Variants in CECR2 observed in about 807,000 individuals in gnomAD.
The protein encoded by CECR2 is CECR2 histone acetyl-lysine reader.
In CECR2, 30 loss-of-function variants were observed where a neutral mutation model predicts 154.5. That is an observed-to-expected ratio of 0.19 (90% CI 0.15 to 0.26). CECR2 has a LOEUF of 0.26. Among genes scored for constraint, CECR2 ranks in the 10% least tolerant of loss-of-function variants. CECR2 has a pLI of 1.00. For synonymous variants in CECR2, 725 were observed against 683.7 expected, an observed-to-expected ratio of 1.06 and a Z score of -0.94; for missense variants, 1,743 against 1,829.3, an observed-to-expected ratio of 0.95 and a Z score of 0.86.
intron 2 of CECR2, among the ~76,000 whole-genome samples, chr22:17,490,124 A>T (rs1346475818): frequency 6.8e-6 from 1 of 147,722 alleles, no homozygotes; most frequent in Admixed American, 6.8e-5. Context: ...TACTGTTGAG[A>T]TCTGTTCCTT....
chr22:17,426,133 A>G (rs919666056), intron 1 of CECR2, among the ~76,000 whole-genome samples: 1 of 152,194 alleles, frequency 6.6e-6, no homozygotes, highest in African/African-American at 2.4e-5. Flanking sequence ...CCCAGACATC[A>G]TATCATTTCA....
chr22:17,528,413 G>A (rs961907443), intron 9 of CECR2, among the ~76,000 whole-genome samples: 1 of 152,220 alleles, frequency 6.6e-6, no homozygotes, highest in East Asian at 1.9e-4. Flanking sequence ...GGCTGGGAAC[G>A]ATAGTGGAGG....
At chr22:17,443,529 A>G (rs2054614097) in intron 1 of CECR2, among the ~76,000 whole-genome samples, 1 of 152,308 alleles carries the variant, frequency 6.6e-6, no homozygotes, top group South Asian at 2.1e-4. Context: ...GAGTTTACTC[A>G]TCTCTAATTC....
chr22:17,551,416 G>C (rs796540663), intron 17 of CECR2, among the ~76,000 whole-genome samples: 10 of 150,748 alleles, frequency 6.6e-5, no homozygotes, highest in African/African-American at 2.4e-4. Context: ...TTAATTTATA[G>C]CAGTTGTCAT....
chr22:17,390,021 A>G (rs1009519566), intron 1 of CECR2, among the ~76,000 whole-genome samples: 3 of 152,194 alleles, frequency 2.0e-5, no homozygotes, highest in South Asian at 2.1e-4. Context: ...AATGTTGCCA[A>G]TTGAGCCAAT....
chr22:17,428,678 A>G (rs1222907526), intron 1 of CECR2: 10 of 151,906 alleles, frequency 6.6e-5, no homozygotes, highest in Admixed American at 6.6e-4. Context: ...TGGTCTCCCT[A>G]TGTTGCCTGG....
intron 1 of CECR2, among the ~76,000 whole-genome samples, chr22:17,450,372 G>A (rs1416563082): frequency 6.6e-6 from 1 of 152,210 alleles, no homozygotes; most frequent in African/African-American, 2.4e-5. Context: ...CCGTGTTCAA[G>A]CGATTCTCCT....
rs539961838 is a variant in CECR2 at position 17,542,867 on chromosome 22, A to G, written c.2724A>G (p.Ala908=). ...PGVPYHPHQP[A]HPRLPGPFPQ... The stretch of plus-strand genomic sequence containing the variant: ...TGCCTTACCACCCCCACCAGCCTGC[A>G]CACCCCCGTTTACCTGGCCCTTTTC... Residue 908 remains alanine (A), a synonymous_variant, in exon 16 of 19, where the codon GCA becomes GCG. Coordinates refer to ENST00000262608, the MANE Select transcript of CECR2 (RefSeq NM_001290047.2). 1 of 1,613,494 alleles carries G rather than the reference A, an allele frequency of 6.2e-7. No homozygotes were observed. The highest frequency in any genetic ancestry group is 1.3e-5 in the African/African-American group (1 of 74,850).
rs917508912 is a variant in CECR2 at position 17,440,081 on chromosome 22, CAAAA to C, written c.127-37503_127-37500del. ...AATATGATTACATTGAAAAAAAAAA[CAAAA>C]AAAGTATACTTGTTTGTATATGAGG... On this transcript the variant is annotated intron_variant, in intron 1 of 18. Coordinates refer to ENST00000262608, the MANE Select transcript of CECR2 (RefSeq NM_001290047.2). 7.7e-4 allele frequency among the ~76,000 whole-genome samples: 108 copies of C among 140,566 alleles called. 3 individuals are homozygous for C. In the East Asian group the frequency reaches 9.6e-3, roughly 13 times the overall value. The allele number at this position is 140,566 out of a possible 152,430, so 92.2% of individuals were successfully genotyped here.
intron 1 of CECR2, among the ~76,000 whole-genome samples, chr22:17,437,384 C>A (rs1234505363): frequency 1.3e-5 from 2 of 152,138 alleles, no homozygotes; most frequent in Non-Finnish European, 2.9e-5. Context: ...AGCTTAGTCT[C>A]CAGCCAACTG....
At chr22:17,509,953 A>G (rs2055912862) in intron 7 of CECR2, among the ~76,000 whole-genome samples, 1 of 152,214 alleles carries the variant, frequency 6.6e-6, no homozygotes. Flanking sequence ...TCCTGCTGTG[A>G]TGGCCATATA....
intron 1 of CECR2, among the ~76,000 whole-genome samples, chr22:17,392,617 G>C (rs761305958): frequency 2.0e-5 from 3 of 152,142 alleles, no homozygotes; most frequent in Non-Finnish European, 4.4e-5. Flanking sequence ...GGGAGATGGA[G>C]GTTGCAGTGA....
At chr22:17,431,353 T>A (rs2054418957) in intron 1 of CECR2, among the ~76,000 whole-genome samples, 1 of 152,228 alleles carries the variant, frequency 6.6e-6, no homozygotes, top group Non-Finnish European at 1.5e-5. Flanking sequence ...CTCACAAGGT[T>A]GATGGGAGGA....
chr22:17,453,813 G>C (rs532051385), intron 1 of CECR2, among the ~76,000 whole-genome samples: 4 of 152,288 alleles, frequency 2.6e-5, no homozygotes, highest in Admixed American at 2.6e-4. Context: ...CTTCATGGCA[G>C]AACTGCTGAC....
At chr22:17,529,088 C>G (rs1206697321) in intron 9 of CECR2, among the ~76,000 whole-genome samples, 1 of 151,972 alleles carries the variant, frequency 6.6e-6, no homozygotes, top group East Asian at 1.9e-4. Context: ...AGAGCAAAAC[C>G]CTGTCTCAGA....
intron 1 of CECR2, among the ~76,000 whole-genome samples, chr22:17,390,490 T>C (rs115735785): frequency 0.025 from 3,758 of 152,342 alleles, 42 homozygotes; most frequent in Middle Eastern, 0.054. Context: ...TTTGCAAACA[T>C]CCTGTTTCTT....
In CECR2 at chr22:17,542,567, G is replaced by A; in HGVS notation, c.2424G>A (p.Val808=). 6.2e-7 allele frequency: 1 copy of A among 1,613,994 alleles called. No homozygotes were observed. The highest frequency in any genetic ancestry group is 8.5e-7 in the Non-Finnish European group (1 of 1,179,882). ...ACCAGCCTCGCACTCTCGGTCACGT[G>A]ATGGATTCCCGAGTCATGAGACCAC... ...PSHQPRTLGH[V]MDSRVMRPPV... The change falls in exon 16 of 19, where the codon GTG becomes GTA. Residue 808 remains valine (V), a synonymous_variant. Coordinates refer to ENST00000262608, the MANE Select transcript of CECR2 (RefSeq NM_001290047.2).
intron 1 of CECR2, among the ~76,000 whole-genome samples, chr22:17,441,191 C>T (rs1486589472): frequency 1.3e-5 from 2 of 152,122 alleles, no homozygotes; most frequent in Non-Finnish European, 2.9e-5. Flanking sequence ...TCAGGTGATC[C>T]GCCTGCCTTG....
At chr22:17,399,039 A>G (rs922529690) in intron 1 of CECR2, among the ~76,000 whole-genome samples, 8 of 152,120 alleles carry the variant, frequency 5.3e-5, no homozygotes, top group Admixed American at 3.3e-4. Flanking sequence ...GGATCTGTCT[A>G]CTCAATCAGA....
Sources: allele counts gnomAD v4.1 joint callset (sites outside exome capture counted in the v4.1 genomes callset), GRCh38; gene constraint gnomAD v4.1.1; transcripts MANE v1.5; gene names NCBI Gene and HGNC (gene_info 2026-07-23, HGNC 2026-07-21).